Variants in RAB38 observed in about 807,000 individuals in gnomAD.
The protein encoded by RAB38 is RAB38, member RAS oncogene family.
A neutral mutation model predicts 18.4 loss-of-function variants in RAB38; 15 were observed. The ratio of observed to expected loss-of-function variants is 0.82; its 90% CI spans 0.55 to 1.26. The LOEUF (loss-of-function observed/expected upper bound fraction) is 1.26, where lower values mean the gene tolerates loss of function less well. Among genes scored for constraint, RAB38 ranks in the 50% most tolerant of loss-of-function variants. RAB38 has a pLI of 0.00. For synonymous variants in RAB38, 101 were observed against 104.4 expected (o/e 0.97, Z 0.20); for missense variants, 294 against 267.4 (o/e 1.10, Z -0.69).
chr11:87,977,327 C>G, the RAB38 span, among the ~76,000 whole-genome samples: 1 of 125,602 alleles, frequency 8.0e-6, no homozygotes, highest in Non-Finnish European at 1.6e-5. Context: ...TTATATTATA[C>G]AAGTATATTA....
the RAB38 span, among the ~76,000 whole-genome samples, chr11:88,103,353 TAG>T: frequency 5.7e-3 from 867 of 152,152 alleles, 10 homozygotes; most frequent in African/African-American, 0.018. Flanking sequence ...CTCATAAAAG[TAG>T]AGTCTTCTGA....
At chr11:88,023,686 T>TA in the RAB38 span, among the ~76,000 whole-genome samples, 1 of 152,040 alleles carries the variant, frequency 6.6e-6, no homozygotes, top group Non-Finnish European at 1.5e-5. Context: ...GGTCCTGGCT[T>TA]AAAAACAGAC....
At chr11:87,844,605 G>A in the RAB38 span, among the ~76,000 whole-genome samples, 25 of 152,208 alleles carry the variant, frequency 1.6e-4, no homozygotes, top group Admixed American at 8.5e-4. Flanking sequence ...ATTTATCTCA[G>A]GTTTCTTACT....
chr11:87,831,121 A>T, the RAB38 span, among the ~76,000 whole-genome samples: 1 of 152,150 alleles, frequency 6.6e-6, no homozygotes, highest in Non-Finnish European at 1.5e-5. Context: ...ATTACGTTTT[A>T]GAGAAATTAA....
At chr11:88,030,402 G>C in the RAB38 span, among the ~76,000 whole-genome samples, 1 of 152,026 alleles carries the variant, frequency 6.6e-6, no homozygotes, top group Non-Finnish European at 1.5e-5. Context: ...AGGAAATAGA[G>C]ACACAAAAAA....
At chr11:87,928,705 T>C in the RAB38 span, among the ~76,000 whole-genome samples, 1 of 152,004 alleles carries the variant, frequency 6.6e-6, no homozygotes, top group Non-Finnish European at 1.5e-5. Flanking sequence ...AAGCAAATGG[T>C]CCTATTTTCA....
intron 2 of RAB38, among the ~76,000 whole-genome samples, chr11:88,138,868 C>T (rs1387473660): frequency 3.3e-5 from 5 of 151,896 alleles, no homozygotes; most frequent in South Asian, 4.2e-4. Context: ...CTGCAAGCTC[C>T]GCCTCCTGGG....
chr11:88,100,568 G>C, the RAB38 span, among the ~76,000 whole-genome samples: 96 of 151,920 alleles, frequency 6.3e-4, 1 homozygote, highest in African/African-American at 2.1e-3. Context: ...AAACATTTCT[G>C]GGGAAAATTT....
the RAB38 span, among the ~76,000 whole-genome samples, chr11:88,029,748 C>T: frequency 5.9e-5 from 9 of 151,864 alleles, no homozygotes; most frequent in East Asian, 1.4e-3. Flanking sequence ...GAGTGACCTA[C>T]AAAGAGACTT....
chr11:87,911,344 C>A, the RAB38 span, among the ~76,000 whole-genome samples: 2 of 152,008 alleles, frequency 1.3e-5, no homozygotes, highest in Admixed American at 6.6e-5. Flanking sequence ...GGAATTGAAT[C>A]TATAGATCAA....
chr11:88,056,173 G>A, the RAB38 span, among the ~76,000 whole-genome samples: 1 of 152,088 alleles, frequency 6.6e-6, no homozygotes, highest in Non-Finnish European at 1.5e-5. Context: ...TGTATTCATT[G>A]ATTTATTTGT....
the RAB38 span, among the ~76,000 whole-genome samples, chr11:87,911,607 T>C: frequency 3.3e-5 from 5 of 152,082 alleles, no homozygotes; most frequent in Non-Finnish European, 5.9e-5. Context: ...ACATAAATTA[T>C]AGAATTTTCT....
the RAB38 span, among the ~76,000 whole-genome samples, chr11:88,042,504 A>C: frequency 6.6e-6 from 1 of 152,302 alleles, no homozygotes; most frequent in East Asian, 1.9e-4. Context: ...TGGCATCATG[A>C]GCCACCTGCC....
the RAB38 span, among the ~76,000 whole-genome samples, chr11:88,021,853 C>CAAAAAA: frequency 8.3e-6 from 1 of 120,400 alleles, no homozygotes. Context: ...AACTCCATCT[C>CAAAAAA]AAAAAAAAAA....
chr11:88,017,702 T>TA, the RAB38 span, among the ~76,000 whole-genome samples: 1 of 144,522 alleles, frequency 6.9e-6, no homozygotes, highest in Admixed American at 6.9e-5. Context: ...AAATTGTATT[T>TA]TATATATATA....
At chr11:87,860,633 T>G in the RAB38 span, among the ~76,000 whole-genome samples, 1 of 151,978 alleles carries the variant, frequency 6.6e-6, no homozygotes, top group Non-Finnish European at 1.5e-5. Flanking sequence ...AATATGGAGT[T>G]ATCTGCTGAG....
At chr11:88,070,711 AG>A in the RAB38 span, among the ~76,000 whole-genome samples, 2 of 152,208 alleles carry the variant, frequency 1.3e-5, no homozygotes, top group Admixed American at 6.5e-5. Flanking sequence ...ACTTACACAA[AG>A]GATGAAGAAT....
chr11:88,088,782 A>AGTCAAAATG, the RAB38 span, among the ~76,000 whole-genome samples: 1 of 151,916 alleles, frequency 6.6e-6, no homozygotes. Context: ...GCAATGTGAG[A>AGTCAAAATG]GTCAAAATGT....
the RAB38 span, among the ~76,000 whole-genome samples, chr11:87,957,363 G>A: frequency 1.7e-4 from 26 of 151,478 alleles, no homozygotes; most frequent in South Asian, 3.3e-3. Context: ...TAAGGGTCAC[G>A]GATGACAGTC....
Sources: gnomAD v4.1 joint callset for allele counts (sites outside exome capture counted in the v4.1 genomes callset) on GRCh38, gnomAD v4.1.1 for gene constraint, MANE v1.5 for transcripts, NCBI Gene and HGNC (gene_info 2026-07-23, HGNC 2026-07-21) for gene names.